The following TMEM245 variants were observed in gnomAD, a reference collection of about 807,000 sequenced individuals.
TMEM245 encodes the protein protein CG-2.
Under a neutral mutation model 101.2 loss-of-function variants are expected in TMEM245, and 69 were observed. That is an observed-to-expected ratio of 0.68 (90% CI 0.56 to 0.83). The LOEUF (loss-of-function observed/expected upper bound fraction) is 0.83, where lower values mean the gene tolerates loss of function less well. Among genes scored for constraint, TMEM245 ranks in the 40% least tolerant of loss-of-function variants. The pLI, the probability that TMEM245 is intolerant of heterozygous loss-of-function variation, is 0.00. For missense variants in TMEM245, 1,075 were observed against 1,092.8 expected (o/e 0.98, Z 0.23); for synonymous variants, 537 against 449.8 (o/e 1.19, Z -2.45).
chr9:109,068,229 G>T (rs1454994130), intron 9 of TMEM245, among the ~76,000 whole-genome samples: 1 of 152,004 alleles, frequency 6.6e-6, no homozygotes, highest in African/African-American at 2.4e-5. Flanking sequence ...AATTAGCCGG[G>T]CGTGGTGGCA....
At chr9:109,066,450 C>A (rs1376130201) in intron 9 of TMEM245, among the ~76,000 whole-genome samples, 3 of 20,808 alleles carry the variant, frequency 1.4e-4, no homozygotes, top group Non-Finnish European at 1.7e-4. Context: ...GCAAGACTGT[C>A]TCAAAAAAAA....
intron 9 of TMEM245, among the ~76,000 whole-genome samples, chr9:109,071,378 G>A (rs1490638912): frequency 6.6e-6 from 1 of 151,994 alleles, no homozygotes; most frequent in Non-Finnish European, 1.5e-5. Context: ...GGAGGCTGAG[G>A]AGGGAAGATC....
Position 109,050,375 on chromosome 9 carries a change from G to A in TMEM245, c.2031C>T (p.Tyr677=), listed in dbSNP as rs74527537. The part of the protein sequence containing the change: ...FYLLSSSDEY[Y]KPVKWVISLT... ...GGCTTATCACCCACTTCACTGGCTT[G>A]TAGTACTCATCACTGGAACTTAATA... Residue 677 remains tyrosine, a synonymous_variant, in exon 14 of 18, where the codon TAC becomes TAT. Transcript: ENST00000374586. 1 of 1,613,894 alleles carries A rather than the reference G, an allele frequency of 6.2e-7. No individual in the cohort carries two copies. Among genetic ancestry groups the A allele is most frequent in the Non-Finnish European group, 8.5e-7 (1 of 1,179,988 alleles).
At chr9:109,071,366 C>T (rs1012620968) in intron 9 of TMEM245, among the ~76,000 whole-genome samples, 6 of 151,712 alleles carry the variant, frequency 4.0e-5, no homozygotes, top group African/African-American at 9.7e-5. Flanking sequence ...CCCAGCACTT[C>T]GGGAGGCTGA....
chr9:109,076,281 C>T (rs899887986), intron 8 of TMEM245, among the ~76,000 whole-genome samples: 1 of 149,174 alleles, frequency 6.7e-6, no homozygotes, highest in Non-Finnish European at 1.5e-5. Context: ...ATCGCAAAGA[C>T]AAAAAACCAA....
chr9:109,093,406 C>T (rs771389524), intron 4 of TMEM245, 69 bp downstream of exon 4: 31 of 1,341,426 alleles, frequency 2.3e-5, no homozygotes, highest in Non-Finnish European at 3.2e-5. Flanking sequence ...TGCTGGTGTC[C>T]TGAATTTTAC....
chr9:109,050,644 A>G lies in TMEM245; in HGVS notation c.1903T>C (p.Phe635Leu). The change falls in exon 13 of 18, where the codon TTC becomes CTC. Residue 635 changes from phenylalanine to leucine, a missense_variant. Around this residue, in one of 2 missense-constraint regions of TMEM245, gnomAD observed 267 missense variants for 351.3 expected, o/e 0.76. Coordinates refer to ENST00000374586, the MANE Select transcript of TMEM245 (RefSeq NM_032012.4). ...GTCAAGAGTGTAGTGACAGTGGTGA[A>G]CAGCAGGCTCACATTCCGGCTCATA... is the stretch of plus-strand genomic sequence containing the variant. ...IVMSRNVSLL[F>L]TTVTTLLTIL... The G allele has an allele frequency of 6.2e-7, 1 of 1,613,532 alleles. No individual in the cohort carries two copies. Among genetic ancestry groups the G allele is most frequent in the South Asian group, 1.1e-5 (1 of 91,016 alleles).
chr9:109,065,205 G>C (rs915144301), intron 9 of TMEM245, among the ~76,000 whole-genome samples: 1 of 152,174 alleles, frequency 6.6e-6, no homozygotes, highest in Admixed American at 6.5e-5. Flanking sequence ...AAAGAAAATG[G>C]TTCTGGGAGA....
At chr9:109,036,868 T>C (rs748852136) in intron 15 of TMEM245, among the ~76,000 whole-genome samples, 7 of 152,178 alleles carry the variant, frequency 4.6e-5, no homozygotes, top group Non-Finnish European at 1.0e-4. Context: ...CCATCTGGCT[T>C]CTCTCCAAGT....
At chr9:109,064,945 G>A (rs73531354) in intron 9 of TMEM245, among the ~76,000 whole-genome samples, 8,011 of 152,032 alleles carry the variant, frequency 0.053, 718 homozygotes, top group African/African-American at 0.19. Context: ...ACGTCACCAC[G>A]CCTGGCTAAT....
intron 3 of TMEM245, among the ~76,000 whole-genome samples, chr9:109,105,690 T>C (rs928405842): frequency 6.6e-6 from 1 of 152,202 alleles, no homozygotes; most frequent in Non-Finnish European, 1.5e-5. Flanking sequence ...TACTGATATA[T>C]GTACAGGGTT....
chr9:109,119,565 T>C lies in TMEM245; in HGVS notation c.349A>G (p.Thr117Ala), dbSNP rs779718534. 3.2e-6 allele frequency: 5 copies of C among 1,538,940 alleles called. No homozygotes were observed. Among genetic ancestry groups the C allele is most frequent in the Non-Finnish European group, 3.5e-6 (4 of 1,147,424 alleles). Residue 117 changes from threonine to alanine, a missense_variant, in exon 1 of 18, where the codon ACG becomes GCG. By Grantham distance (58) the Thr-to-Ala change is moderately conservative (BLOSUM62 0). Coordinates refer to ENST00000374586, the MANE Select transcript of TMEM245 (RefSeq NM_032012.4). ...HWLQRLHRAHTPIVLAALLLP... is the reference protein window; with the variant it reads ...HWLQRLHRAHAPIVLAALLLP... ...AGCAGCGCGGCCAGGACGATGGGCG[T>C]GTGCGCGCGGTGCAGGCGCTGCAGC...
chr9:109,020,431 C>G lies in TMEM245; in HGVS notation c.*29G>C. ...GAACTCGCTGTCAAATTTGAACTTCCTAGAAAAATCACTGCAGAGGAAACC... is the reference window on the plus strand; with the variant it reads ...GAACTCGCTGTCAAATTTGAACTTCGTAGAAAAATCACTGCAGAGGAAACC... On this transcript the variant is annotated 3_prime_UTR_variant, in exon 18 of 18. Transcript: ENST00000374586. 1.2e-6 allele frequency: 2 copies of G among 1,612,030 alleles called. No homozygotes were observed. Among genetic ancestry groups the G allele is most frequent in the Non-Finnish European group, 1.7e-6 (2 of 1,178,146 alleles).
chr9:109,071,104 C>T (rs1194496076), intron 9 of TMEM245, among the ~76,000 whole-genome samples: 1 of 152,000 alleles, frequency 6.6e-6, no homozygotes, highest in African/African-American at 2.4e-5. Flanking sequence ...TGGTCTCAAA[C>T]TCCTGACCTC....
At chr9:109,022,051 AT>A (rs1827641978) in intron 17 of TMEM245, among the ~76,000 whole-genome samples, 1 of 152,162 alleles carries the variant, frequency 6.6e-6, no homozygotes, top group South Asian at 2.1e-4. Context: ...CTCAATTCAT[AT>A]AAATATTTAG....
At position 109,032,365 on chromosome 9, in the gene TMEM245, C is replaced by CTTTTTTTTTTTTTTTTTTTTTT. The variant is rs755399182; in HGVS notation, c.2594+920_2594+941dup. On this transcript the variant is annotated intron_variant, in intron 17 of 17. Transcript: ENST00000374586. ...GCATTTGGTTGTCCTATTTCTTTTC[C>CTTTTTTTTTTTTTTTTTTTTTT]TTTTTTTTTTTTTTTTTTTTTTTTT... Among the ~76,000 whole-genome samples the CTTTTTTTTTTTTTTTTTTTTTT allele has an allele frequency of 1.2e-3, 48 of 40,976 alleles. 15 individuals are homozygous for CTTTTTTTTTTTTTTTTTTTTTT. The highest frequency in any genetic ancestry group is 1.4e-3 in the East Asian group (2 of 1,412). 26.9% of individuals were successfully genotyped at this position (40,976 alleles called of 152,430 possible). A position where few individuals can be genotyped will look rare whatever the true frequency, so the allele number is the denominator to read the frequency against.
At chr9:109,098,191 C>G (rs541063359) in intron 3 of TMEM245, among the ~76,000 whole-genome samples, 1 of 152,202 alleles carries the variant, frequency 6.6e-6, no homozygotes, top group African/African-American at 2.4e-5. Context: ...CTGAAAGATT[C>G]GAGAAAAAGC....
At chr9:109,116,105 G>T (rs1371723194) in intron 1 of TMEM245, among the ~76,000 whole-genome samples, 1 of 152,164 alleles carries the variant, frequency 6.6e-6, no homozygotes, top group Non-Finnish European at 1.5e-5. Context: ...TCAAAAGTTG[G>T]ATCTTAAATG....
chr9:109,118,677 C>T (rs535309007), intron 1 of TMEM245, among the ~76,000 whole-genome samples: 1 of 152,310 alleles, frequency 6.6e-6, no homozygotes, highest in Admixed American at 6.5e-5. Flanking sequence ...CCAGTCCCTG[C>T]ACAACAAAAG....
Sources: allele counts gnomAD v4.1 joint callset (sites outside exome capture counted in the v4.1 genomes callset), GRCh38; gene constraint gnomAD v4.1.1; regional missense constraint gnomAD v4.1.1; transcripts MANE v1.5; gene names NCBI Gene and HGNC (gene_info 2026-07-23, HGNC 2026-07-21).